LGALS13: variants seen among roughly 807,000 people sequenced by gnomAD.
LGALS13 encodes the protein galactoside-binding soluble lectin 13.
A neutral mutation model predicts 13.2 loss-of-function variants in LGALS13; 11 were observed. The observed-to-expected ratio is 0.83, with a 90% CI of 0.52 to 1.38. The LOEUF is 1.38. Ranked by LOEUF, LGALS13 falls within the 40% of genes most tolerant of loss-of-function variation. The pLI is 0.00. For missense variants in LGALS13, 183 were observed against 174.3 expected (o/e 1.05, Z -0.28); for synonymous variants, 71 against 63.7 (o/e 1.11, Z -0.54).
rs201650057 is a variant in LGALS13 at position 39,605,350 on chromosome 19, T to C, written c.265T>C (p.Phe89Leu). ...CGTGCCCTTTGAGGATGGCAAACAATTTGAGCTGTGCATCTACGTACATTA... is the reference window on the plus strand; with the variant it reads ...CGTGCCCTTTGAGGATGGCAAACAACTTGAGCTGTGCATCTACGTACATTA... Reference protein sequence around the residue: ...DYVPFEDGKQFELCIYVHYNE... With the variant: ...DYVPFEDGKQLELCIYVHYNE... Residue 89 changes from phenylalanine to leucine, a missense_variant, in exon 3 of 4, where the codon TTT becomes CTT. By Grantham distance (22) the Phe-to-Leu change is conservative. Transcript: ENST00000221797. 2.5e-6 allele frequency: 4 copies of C among 1,614,164 alleles called. No individual in the cohort carries two copies. The African/African-American group carries it at 5.3e-5, about 22-fold the overall frequency.
chr19:39,603,048 G>T (rs1972626288), intron 1 of LGALS13, among the ~76,000 whole-genome samples: 1 of 152,116 alleles, frequency 6.6e-6, no homozygotes, highest in South Asian at 2.1e-4. Flanking sequence ...TGTGTGTGCT[G>T]GGATGTGACT....
At chr19:39,603,663 A>G (rs1972635945) in intron 1 of LGALS13, among the ~76,000 whole-genome samples, 1 of 152,066 alleles carries the variant, frequency 6.6e-6, no homozygotes, top group Non-Finnish European at 1.5e-5. Flanking sequence ...CAGTCTGGGT[A>G]TCAGAGTGAG....
intron 2 of LGALS13, 74 bp downstream of exon 2, chr19:39,604,752 G>A (rs954545052): frequency 4.5e-6 from 7 of 1,558,846 alleles, no homozygotes; most frequent in Non-Finnish European, 6.2e-6. Flanking sequence ...CCTTACATGT[G>A]GGTGATGTGG....
At chr19:39,603,627 G>A (rs1972635128) in intron 1 of LGALS13, among the ~76,000 whole-genome samples, 1 of 152,014 alleles carries the variant, frequency 6.6e-6, no homozygotes, top group Admixed American at 6.6e-5. Flanking sequence ...AAAGATGAGA[G>A]GATAACGAGG....
rs979264823 is a variant in LGALS13 at position 39,605,005 on chromosome 19, A to ATC, written c.93-170_93-169dup. The ATC allele has an allele frequency of 4.3e-6, 3 of 700,828 alleles. No homozygotes were observed. In the African/African-American group the frequency reaches 5.2e-5, roughly 12 times the overall value. 43.4% of individuals were successfully genotyped at this position (700,828 alleles called of 1,614,324 possible). A position where few individuals can be genotyped will look rare whatever the true frequency, so the allele number is the denominator to read the frequency against. ...TTCATCTGGGGATGAGGAGCACAGAATCTCCCTGCCTGGGGGCATGAGGAG... is the reference window on the plus strand; with the variant it reads ...TTCATCTGGGGATGAGGAGCACAGAATCTCTCCCTGCCTGGGGGCATGAGGAG... On this transcript the variant is annotated intron_variant, in intron 2 of 3. Transcript: ENST00000221797.
chr19:39,602,926 A>C (rs1311776131), intron 1 of LGALS13, among the ~76,000 whole-genome samples: 1 of 152,086 alleles, frequency 6.6e-6, no homozygotes, highest in South Asian at 2.1e-4. Context: ...TTTCCTGTCT[A>C]TGATGTGAGT....
chr19:39,605,280 C>T lies in LGALS13; in HGVS notation c.195C>T (p.Asn65=). 1.2e-6 allele frequency: 2 copies of T among 1,614,158 alleles called. No individual in the cohort carries two copies. Among genetic ancestry groups the T allele is most frequent in the Non-Finnish European group, 1.7e-6 (2 of 1,180,010 alleles). Residue 65 remains asparagine, a synonymous_variant, in exon 3 of 4, where the codon AAC becomes AAT. Coordinates refer to ENST00000221797, the MANE Select transcript of LGALS13 (RefSeq NM_013268.3). ...RVHFGNHVVM[N]RREFGIWMLE... ...ACTTTGGCAATCATGTGGTCATGAA[C>T]AGGCGTGAGTTTGGGATATGGATGT...
chr19:39,604,897 G>A (rs1452893772), intron 2 of LGALS13, among the ~76,000 whole-genome samples: 1 of 152,210 alleles, frequency 6.6e-6, no homozygotes, highest in Non-Finnish European at 1.5e-5. Flanking sequence ...TCAGTGGGTT[G>A]GGGCTGTGGC....
chr19:39,604,717 AG>A (rs1261859226), intron 2 of LGALS13, 39 bp downstream of exon 2: 1 of 1,610,026 alleles, frequency 6.2e-7, no homozygotes. Flanking sequence ...TTGGAGAAGA[AG>A]GGAGAATATT....
chr19:39,603,958 C>T, intron 1 of LGALS13: 1 of 985,418 alleles, frequency 1.0e-6, no homozygotes, highest in Non-Finnish European at 1.2e-6. Flanking sequence ...AGTACTGGGG[C>T]TGTGCTCTCA....
Position 39,604,760 on chromosome 19 carries a change from T to C in LGALS13, c.92+82T>C, listed in dbSNP as rs910625148. 19 of 1,532,868 alleles carry C rather than the reference T, an allele frequency of 1.2e-5. No homozygotes were observed. In the African/African-American group the frequency reaches 2.3e-4, roughly 19 times the overall value. 95.0% of individuals were successfully genotyped at this position (1,532,868 alleles called of 1,614,324 possible). ...GATTTGACCTTACATGTGGGTGATG[T>C]GGAAATGTCTAGTTGGCAGAATGGA... On this transcript the variant is annotated intron_variant, in intron 2 of 3. Transcript: ENST00000221797.
Position 39,605,261 on chromosome 19 carries a change from G to C in LGALS13, c.176G>C (p.Gly59Ala), listed in dbSNP as rs138148689. The change falls in exon 3 of 4, where the codon GGC (glycine) becomes GCC (alanine). Residue 59 changes from glycine (G) to alanine (A), a missense_variant. Gly to Ala is a moderately conservative substitution (Grantham distance 60). Coordinates refer to ENST00000221797, the MANE Select transcript of LGALS13 (RefSeq NM_013268.3). ...GCCTTCCGTTTCCGAGTGCACTTTGGCAATCATGTGGTCATGAACAGGCGT... is the reference window on the plus strand; with the variant it reads ...GCCTTCCGTTTCCGAGTGCACTTTGCCAATCATGTGGTCATGAACAGGCGT... Reference protein sequence around the residue: ...DIAFRFRVHFGNHVVMNRREF... With the variant: ...DIAFRFRVHFANHVVMNRREF... 4 of 1,614,184 alleles carry C rather than the reference G, an allele frequency of 2.5e-6. No homozygotes were observed. In the Admixed American group the frequency reaches 5.0e-5, roughly 20 times the overall value.
intron 3 of LGALS13, among the ~76,000 whole-genome samples, chr19:39,606,480 T>G (rs559618078): frequency 1.3e-5 from 2 of 152,306 alleles, no homozygotes; most frequent in South Asian, 4.2e-4. Context: ...CCAATACTTG[T>G]ACTAGAAGAT....
At chr19:39,604,336 G>C (rs1972647354) in intron 1 of LGALS13, among the ~76,000 whole-genome samples, 1 of 152,142 alleles carries the variant, frequency 6.6e-6, no homozygotes, top group Non-Finnish European at 1.5e-5. Context: ...ATGAGGGAGA[G>C]TTCAAGTAGC....
chr19:39,607,163 A>T, intron 3 of LGALS13, 60 bp from the exon 4 acceptor site: 1 of 1,122,112 alleles, frequency 8.9e-7, no homozygotes, highest in Non-Finnish European at 1.4e-6. Flanking sequence ...CAGAGTGGAG[A>T]GGAGGCCGAA....
chr19:39,605,275 A>G lies in LGALS13; in HGVS notation c.190A>G (p.Met64Val), dbSNP rs1972667768. ...FRVHFGNHVV[M>V]NRREFGIWML... ...AGTGCACTTTGGCAATCATGTGGTC[A>G]TGAACAGGCGTGAGTTTGGGATATG... Residue 64 changes from methionine (M) to valine (V), a missense_variant, in exon 3 of 4, where the codon ATG (methionine) becomes GTG (valine). Coordinates refer to ENST00000221797, the MANE Select transcript of LGALS13 (RefSeq NM_013268.3). 6.2e-7 allele frequency: 1 copy of G among 1,614,238 alleles called. No homozygotes were observed. The highest frequency in any genetic ancestry group is 1.6e-4 in the Middle Eastern group (1 of 6,062).
intron 3 of LGALS13, among the ~76,000 whole-genome samples, 195 bp downstream of exon 3, chr19:39,605,583 T>G (rs1972675959): frequency 6.6e-6 from 1 of 152,132 alleles, no homozygotes; most frequent in African/African-American, 2.4e-5. Flanking sequence ...AATGTCAAGG[T>G]CAGCTCACCT....
intron 2 of LGALS13, 43 bp from the exon 3 acceptor site, chr19:39,605,135 C>A: frequency 2.0e-6 from 3 of 1,520,400 alleles, no homozygotes; most frequent in Admixed American, 1.7e-5. Flanking sequence ...TGTGTCTGCG[C>A]AAGGGAGGGA....
In LGALS13 at chr19:39,602,583, C is replaced by A; in HGVS notation, c.15C>A (p.Pro5=). The A allele has an allele frequency of 3.1e-6, 5 of 1,614,004 alleles. No individual in the cohort carries two copies. The highest frequency in any genetic ancestry group is 4.2e-6 in the Non-Finnish European group (5 of 1,179,896). ...AGGAGAGAACAATGTCTTCTTTACC[C>A]GTGAGTTGAAAAGGCACAGCCTTCA... MSSL[P]VPYKLPVSLS... Residue 5 remains proline, a splice_region_variant and synonymous_variant, in exon 1 of 4, where the codon CCC becomes CCA. Coordinates refer to ENST00000221797, the MANE Select transcript of LGALS13 (RefSeq NM_013268.3).
Sources: gnomAD v4.1 joint callset for allele counts (sites outside exome capture counted in the v4.1 genomes callset) on GRCh38, gnomAD v4.1.1 for gene constraint, MANE v1.5 for transcripts, NCBI Gene and HGNC (gene_info 2026-07-23, HGNC 2026-07-21) for gene names.